Variants in KDM7A observed in about 807,000 individuals in gnomAD.
KDM7A encodes the protein lysine-specific demethylase 7A.
Under a neutral mutation model 114.8 loss-of-function variants are expected in KDM7A, and 28 were observed. That is an observed-to-expected ratio of 0.24 (90% CI 0.18 to 0.33). KDM7A has a LOEUF of 0.33. KDM7A is among the 10% of genes least tolerant of loss of function. The probability of loss-of-function intolerance (pLI) is 1.00; values close to 1 mark genes in which losing one functional copy is unlikely to be tolerated. For synonymous variants in KDM7A, 423 were observed against 397.8 expected, an observed-to-expected ratio of 1.06 and a Z score of -0.75; for missense variants, 942 against 1,142.5, an observed-to-expected ratio of 0.82 and a Z score of 2.53.
chr7:140,125,156 G>T (rs1431538825), intron 6 of KDM7A, among the ~76,000 whole-genome samples: 1 of 152,130 alleles, frequency 6.6e-6, no homozygotes, highest in Non-Finnish European at 1.5e-5. Context: ...AAGATCCACA[G>T]CATAATTATT....
In KDM7A at chr7:140,088,846, C is replaced by A; in HGVS notation, c.*2248G>T. On this transcript the variant is annotated 3_prime_UTR_variant, in exon 20 of 20. Transcript: ENST00000397560. Reference sequence around the variant, plus strand: ...GTGGATACTGGCCACAATTTTAATTCATAAAAATAAATTAAATTTCATTTT... The same window carrying A: ...GTGGATACTGGCCACAATTTTAATTAATAAAAATAAATTAAATTTCATTTT... The A allele has an allele frequency of 4.3e-6, 1 of 231,006 alleles. No homozygotes were observed. The highest frequency in any genetic ancestry group is 2.3e-5 in the African/African-American group (1 of 44,262). The allele number at this position is 231,006 out of a possible 1,614,324, so 14.3% of individuals were successfully genotyped here. A position where few individuals can be genotyped will look rare whatever the true frequency, so the allele number is the denominator to read the frequency against.
At chr7:140,097,117 A>C in intron 15 of KDM7A, 70 bp from the exon 16 acceptor site, 2 of 1,122,736 alleles carry the variant, frequency 1.8e-6, no homozygotes, top group Non-Finnish European at 2.6e-6. Context: ...TGAATCCGAA[A>C]AGATTTTATA....
intron 12 of KDM7A, among the ~76,000 whole-genome samples, chr7:140,100,674 AT>A (rs1818189366): frequency 5.2e-5 from 2 of 38,380 alleles, no homozygotes; most frequent in East Asian, 6.6e-4. Flanking sequence ...ATATATATAT[AT>A]ATATACATAT....
rs1794709675 is a variant in KDM7A at position 140,176,465 on chromosome 7, TC to T, written c.194+278del. Among the ~76,000 whole-genome samples, 2 of 145,524 alleles carry T rather than the reference TC, an allele frequency of 1.4e-5. No individual in the cohort carries two copies. The highest frequency in any genetic ancestry group is 4.2e-4 in the South Asian group (2 of 4,750). On this transcript the variant is annotated intron_variant, in intron 1 of 19. Transcript: ENST00000397560. This position sits in a 1 kb window ranked among gnomAD's most constrained non-coding sequence, Gnocchi z 4.4. ...CCGGCCGCGTCCCCTCGCCCCAGGC[TC>T]CCCCTGCCAACTTATCCGCCGGCCC...
Position 140,146,752 on chromosome 7 carries a change from C to T in KDM7A, c.195-7562G>A, listed in dbSNP as rs917104166. Among the ~76,000 whole-genome samples, 98 of 152,190 alleles carry T rather than the reference C, an allele frequency of 6.4e-4. 1 individual carries two copies. The highest frequency in any genetic ancestry group is 2.3e-3 in the African/African-American group (94 of 41,450). Reference sequence around the variant, plus strand: ...CATTTGGTGAGTGGGGCAGTGACAACTTTAGCACTTTCCATTGTCTTAATC... The same window carrying T: ...CATTTGGTGAGTGGGGCAGTGACAATTTTAGCACTTTCCATTGTCTTAATC... On this transcript the variant is annotated intron_variant, in intron 1 of 19. Coordinates refer to ENST00000397560, the MANE Select transcript of KDM7A (RefSeq NM_030647.2).
intron 11 of KDM7A, among the ~76,000 whole-genome samples, chr7:140,108,310 G>T (rs374509050): frequency 6.6e-6 from 1 of 152,242 alleles, no homozygotes; most frequent in South Asian, 2.1e-4. Flanking sequence ...GTCCAGCTTC[G>T]TTCCGTTGCT....
intron 2 of KDM7A, 91 bp from the exon 3 acceptor site, chr7:140,133,747 AC>A: frequency 1.4e-6 from 1 of 714,278 alleles, no homozygotes. Context: ...ATCAGAAATA[AC>A]AATTGTAAGT....
At chr7:140,098,268 A>G (rs1318983908) in intron 14 of KDM7A, among the ~76,000 whole-genome samples, 1 of 152,256 alleles carries the variant, frequency 6.6e-6, no homozygotes, top group African/African-American at 2.4e-5. Flanking sequence ...ACCAAAGTAT[A>G]TATTTGAACT....
In KDM7A at chr7:140,119,094, C is replaced by A; in HGVS notation, c.1246+19G>T. On this transcript the variant is annotated intron_variant, in intron 9 of 19. Transcript: ENST00000397560. Reference sequence around the variant, plus strand: ...CAATATGCATCATATCATATACAAACATGCAAATTATTAATTACCTTTCAG... The same window carrying A: ...CAATATGCATCATATCATATACAAAAATGCAAATTATTAATTACCTTTCAG... The A allele has an allele frequency of 2.1e-6, 3 of 1,432,628 alleles. No individual in the cohort carries two copies. Among genetic ancestry groups the A allele is most frequent in the Non-Finnish European group, 2.9e-6 (3 of 1,020,020 alleles). 88.7% of individuals were successfully genotyped at this position (1,432,628 alleles called of 1,614,324 possible).
intron 1 of KDM7A, among the ~76,000 whole-genome samples, chr7:140,147,474 G>A (rs942965635): frequency 2.6e-5 from 4 of 152,144 alleles, no homozygotes; most frequent in African/African-American, 9.7e-5. Flanking sequence ...GAAGGCTGTG[G>A]TAATGAGATT....
chr7:140,139,010 C>T lies in KDM7A; in HGVS notation c.280+95G>A, dbSNP rs531596869. The T allele has an allele frequency of 4.1e-4, 320 of 783,560 alleles. 1 individual carries two copies. Among genetic ancestry groups the T allele is most frequent in the Non-Finnish European group, 6.1e-4 (280 of 462,424 alleles). 48.5% of individuals were successfully genotyped at this position (783,560 alleles called of 1,614,324 possible). ...AGTTCTTGAAGGGTGTAATATAACTCCTCAGAGTATCATTAAAGTATTACC... is the reference window on the plus strand; with the variant it reads ...AGTTCTTGAAGGGTGTAATATAACTTCTCAGAGTATCATTAAAGTATTACC... On this transcript the variant is annotated intron_variant, in intron 2 of 19. Transcript: ENST00000397560.
chr7:140,111,143 T>C lies in KDM7A; in HGVS notation c.1380A>G (p.Arg460=), dbSNP rs1818424368. ...EHAFEIPDNV[R]PGHLIKELSK... is the part of the protein sequence containing the mutation. ...AAAGTTCTTTAATAAGGTGTCCAGG[T>C]CTAACATTGTCTGGAATTTCAAAGG... is the stretch of plus-strand genomic sequence containing the variant. The change falls in exon 11 of 20, where the codon AGA becomes AGG. Residue 460 remains arginine, a synonymous_variant. Coordinates refer to ENST00000397560, the MANE Select transcript of KDM7A (RefSeq NM_030647.2). 1 of 1,608,750 alleles carries C rather than the reference T, an allele frequency of 6.2e-7. No individual in the cohort carries two copies. The highest frequency in any genetic ancestry group is 8.5e-7 in the Non-Finnish European group (1 of 1,176,460).
chr7:140,117,402 A>G (rs1234221267), intron 9 of KDM7A, among the ~76,000 whole-genome samples: 3 of 152,156 alleles, frequency 2.0e-5, no homozygotes. Flanking sequence ...TTAAGAAGTT[A>G]AAGAATGAGC....
At chr7:140,134,003 A>G (rs1585155410) in intron 2 of KDM7A, among the ~76,000 whole-genome samples, 2 of 152,338 alleles carry the variant, frequency 1.3e-5, no homozygotes, top group East Asian at 3.9e-4. Context: ...TTAGGTCCTA[A>G]TATGATTATC....
At chr7:140,092,832 T>C (rs1585135427) in intron 18 of KDM7A, among the ~76,000 whole-genome samples, 3 of 152,338 alleles carry the variant, frequency 2.0e-5, no homozygotes, top group East Asian at 1.9e-4. Context: ...TCAAATTACA[T>C]AATGAATCCT....
chr7:140,103,663 G>GTATT (rs1377763392), intron 11 of KDM7A, among the ~76,000 whole-genome samples: 6 of 152,142 alleles, frequency 3.9e-5, no homozygotes, highest in African/African-American at 1.4e-4. Context: ...TGGCTGCATA[G>GTATT]TATTCTACAG....
intron 16 of KDM7A, 51 bp from the exon 17 acceptor site, chr7:140,096,814 T>G (rs764366405): frequency 3.1e-6 from 5 of 1,593,456 alleles, no homozygotes; most frequent in Non-Finnish European, 3.4e-6. Context: ...TCTGATGACA[T>G]TTTTGGTAAA....
chr7:140,141,762 C>T (rs1477022815), intron 1 of KDM7A, among the ~76,000 whole-genome samples: 4 of 151,340 alleles, frequency 2.6e-5, no homozygotes, highest in African/African-American at 4.9e-5. Flanking sequence ...GGCATGTTGG[C>T]GCATATCTGT....
At chr7:140,112,569 C>T (rs1818450538) in intron 10 of KDM7A, among the ~76,000 whole-genome samples, 1 of 151,754 alleles carries the variant, frequency 6.6e-6, no homozygotes, top group East Asian at 1.9e-4. Flanking sequence ...CGAGATCGCA[C>T]CACTGCAATC....
Sources: allele counts gnomAD v4.1 joint callset (sites outside exome capture counted in the v4.1 genomes callset), GRCh38; gene constraint gnomAD v4.1.1; non-coding constraint Gnocchi (gnomAD v3.1); transcripts MANE v1.5; gene names NCBI Gene and HGNC (gene_info 2026-07-23, HGNC 2026-07-21).